Variants in DVL2 observed in about 807,000 individuals in gnomAD.
DVL2 encodes dishevelled segment polarity protein 2.
A neutral mutation model predicts 69.8 loss-of-function variants in DVL2; 38 were observed. The ratio of observed to expected loss-of-function variants is 0.54; its 90% CI spans 0.42 to 0.71. The LOEUF (loss-of-function observed/expected upper bound fraction) is 0.71. DVL2 is among the 30% of genes least tolerant of loss of function. The pLI, the probability that DVL2 is intolerant of heterozygous loss-of-function variation, is 0.00. For synonymous variants in DVL2, 428 were observed against 392.4 expected, an observed-to-expected ratio of 1.09 and a Z score of -1.07; for missense variants, 931 against 1,008.1, an observed-to-expected ratio of 0.92 and a Z score of 1.04.
At chr17:7,227,610 C>G (rs2071477634) in intron 11 of DVL2, 45 bp downstream of exon 11, 1 of 1,613,970 alleles carries the variant, frequency 6.2e-7, no homozygotes, top group African/African-American at 1.3e-5. Context: ...CACTGCGGGA[C>G]AGCCTTCTGC....
chr17:7,234,407 A>G lies in DVL2; in HGVS notation c.-145T>C. 1 of 955,216 alleles carries G rather than the reference A, an allele frequency of 1.0e-6. No homozygotes were observed. The highest frequency in any genetic ancestry group is 1.5e-6 in the Non-Finnish European group (1 of 671,472). The allele number at this position is 955,216 out of a possible 1,614,324, so 59.2% of individuals were successfully genotyped here. On this transcript the variant is annotated 5_prime_UTR_variant, in exon 1 of 15. Transcript: ENST00000005340. ...GAGAAGCAAAGGGGAAAAAGCACGG[A>G]TCTGCGAGGGTGGCGGCGGGGGGCG...
chr17:7,226,091 G>C lies in DVL2; in HGVS notation c.1985C>G (p.Pro662Arg). Residue 662 changes from proline to arginine, a missense_variant, in exon 15 of 15, where the codon CCA becomes CGA. Physicochemically the swap from Pro to Arg is moderately radical, Grantham distance 103. Transcript: ENST00000005340. ...GGGCGGTCCATAGGGATGGAGCCCT[G>C]GGTGGGCTCGGAGATTAGGGGCACC... is the stretch of plus-strand genomic sequence containing the variant. ...TGGAPNLRAH[P>R]GLHPYGPPPG... The C allele has an allele frequency of 1.3e-6, 2 of 1,593,520 alleles. No individual in the cohort carries two copies. Among genetic ancestry groups the C allele is most frequent in the Non-Finnish European group, 1.7e-6 (2 of 1,168,428 alleles).
chr17:7,233,504 C>T (rs567486113), intron 1 of DVL2, among the ~76,000 whole-genome samples: 3 of 152,050 alleles, frequency 2.0e-5, no homozygotes, highest in Non-Finnish European at 4.4e-5. Context: ...AGTGCAGTGG[C>T]GCGATCTCGG....
intron 9 of DVL2, 93 bp from the exon 10 acceptor site, chr17:7,228,137 A>C (rs1301645449): frequency 9.4e-7 from 1 of 1,064,796 alleles, no homozygotes; most frequent in Non-Finnish European, 1.4e-6. Context: ...AGAGACACAA[A>C]GAGGGGGAGA....
At chr17:7,230,229 G>A (rs1363986301) in intron 3 of DVL2, 56 bp downstream of exon 3, 1 of 1,611,692 alleles carries the variant, frequency 6.2e-7, no homozygotes, top group Non-Finnish European at 8.5e-7. Flanking sequence ...CCCTACCAAA[G>A]GCCTGGGTTC....
intron 2 of DVL2, 103 bp downstream of exon 2, chr17:7,230,625 G>A (rs1385004813): frequency 7.3e-7 from 1 of 1,367,154 alleles, no homozygotes; most frequent in Non-Finnish European, 1.0e-6. Flanking sequence ...TAAAGAGCCA[G>A]GGCTGCTAAC....
intron 9 of DVL2, 92 bp downstream of exon 9, chr17:7,228,877 C>T (rs1445408126): frequency 1.6e-5 from 22 of 1,353,480 alleles, no homozygotes; most frequent in South Asian, 4.8e-5. Flanking sequence ...CCACCACGCC[C>T]GGCTGTCTTA....
chr17:7,228,094 A>G, intron 9 of DVL2, 50 bp from the exon 10 acceptor site: 1 of 1,455,956 alleles, frequency 6.9e-7, no homozygotes, highest in Non-Finnish European at 9.3e-7. Flanking sequence ...AGGAGGCCTC[A>G]GGAGGGCGGG....
chr17:7,228,924 A>C (rs779585159), intron 9 of DVL2, 45 bp downstream of exon 9: 6 of 1,552,512 alleles, frequency 3.9e-6, no homozygotes, highest in Non-Finnish European at 5.3e-6. Context: ...CATGAAAGAG[A>C]AAAAAAAAGA....
At chr17:7,227,821 T>C in intron 10 of DVL2, 38 bp from the exon 11 acceptor site, 4 of 1,556,894 alleles carry the variant, frequency 2.6e-6, no homozygotes, top group Non-Finnish European at 3.5e-6. Context: ...CCATTCTCAG[T>C]CCCCAAAAGC....
At position 7,227,071 on chromosome 17, in the gene DVL2, T is replaced by G; in HGVS notation, c.1543+19A>C. The G allele has an allele frequency of 6.3e-7, 1 of 1,591,722 alleles. No individual in the cohort carries two copies. The highest frequency in any genetic ancestry group is 1.1e-5 in the South Asian group (1 of 88,124). On this transcript the variant is annotated intron_variant, in intron 13 of 14. Coordinates refer to ENST00000005340, the MANE Select transcript of DVL2 (RefSeq NM_004422.3). ...GGTAGGCAAAGCCACACTCCCAGAG[T>G]TGGGGCAGGGGGACTTACAGCTCTC...
chr17:7,225,398 G>C lies in DVL2; in HGVS notation c.*467C>G. The C allele has an allele frequency of 2.1e-6, 1 of 485,732 alleles. No individual in the cohort carries two copies. Among genetic ancestry groups the C allele is most frequent in the East Asian group, 3.9e-5 (1 of 25,328 alleles). The allele number at this position is 485,732 out of a possible 1,614,324, so 30.1% of individuals were successfully genotyped here. A position where few individuals can be genotyped will look rare whatever the true frequency, so the allele number is the denominator to read the frequency against. On this transcript the variant is annotated 3_prime_UTR_variant, in exon 15 of 15. Transcript: ENST00000005340. ...TATACAAGTGACTAAAATAAATAGAGTAACAAAGGCAGCTACATGGCCCAA... is the reference window on the plus strand; with the variant it reads ...TATACAAGTGACTAAAATAAATAGACTAACAAAGGCAGCTACATGGCCCAA...
chr17:7,233,006 C>T (rs1274518287), intron 1 of DVL2, among the ~76,000 whole-genome samples: 3 of 146,280 alleles, frequency 2.1e-5, no homozygotes, highest in Admixed American at 7.0e-5. Context: ...AGGAGAATGG[C>T]GTGGACCCGG....
intron 1 of DVL2, among the ~76,000 whole-genome samples, chr17:7,232,227 C>A (rs2071553776): frequency 6.6e-6 from 1 of 152,216 alleles, no homozygotes; most frequent in Admixed American, 6.5e-5. Context: ...AGACTCTCTA[C>A]CCTAGTTGTT....
Position 7,230,257 on chromosome 17 carries a change from C to T in DVL2, c.410+28G>A, listed in dbSNP as rs1362772488. The T allele has an allele frequency of 2.5e-6, 4 of 1,613,838 alleles. No individual in the cohort carries two copies. In the South Asian group the frequency reaches 3.3e-5, roughly 13 times the overall value. On this transcript the variant is annotated intron_variant, in intron 3 of 14. Transcript: ENST00000005340. ...CTGGGTTCCCTCCTCACCTCCCTCCCCTGCAGTCAAGAATCTGAAGGACTC... is the reference window on the plus strand; with the variant it reads ...CTGGGTTCCCTCCTCACCTCCCTCCTCTGCAGTCAAGAATCTGAAGGACTC...
Position 7,234,418 on chromosome 17 carries a change from T to G in DVL2, c.-156A>C, listed in dbSNP as rs2071602952. On this transcript the variant is annotated 5_prime_UTR_variant, in exon 1 of 15. Coordinates refer to ENST00000005340, the MANE Select transcript of DVL2 (RefSeq NM_004422.3). ...GGGAAAAAGCACGGATCTGCGAGGG[T>G]GGCGGCGGGGGGCGGGCCGCGGGGT... 1 of 886,504 alleles carries G rather than the reference T, an allele frequency of 1.1e-6. No individual in the cohort carries two copies. Among genetic ancestry groups the G allele is most frequent in the Non-Finnish European group, 1.6e-6 (1 of 616,806 alleles). The allele number at this position is 886,504 out of a possible 1,614,324, so 54.9% of individuals were successfully genotyped here.
intron 10 of DVL2, 86 bp downstream of exon 10, chr17:7,227,891 C>T: frequency 6.4e-7 from 1 of 1,565,584 alleles, no homozygotes. Flanking sequence ...CCTCCTCCCA[C>T]CCATTCCCCA....
chr17:7,232,128 G>C (rs1042598784), intron 1 of DVL2, among the ~76,000 whole-genome samples: 2 of 152,200 alleles, frequency 1.3e-5, no homozygotes, highest in Middle Eastern at 3.4e-3. Context: ...ACTTACTCTG[G>C]TCAACACCAT....
rs940773303 is a variant in DVL2 at position 7,229,800 on chromosome 17, A to C, written c.656+8T>G. ...GGGTGCGCTGGGGAGAGCTGTGCGG[A>C]GCCACACCTGCTCATGGTGTCCTCC... On this transcript the variant is annotated splice_region_variant and intron_variant, in intron 5 of 14. Transcript: ENST00000005340. The surrounding 1 kb of genome is among the most constrained non-coding windows in gnomAD (Gnocchi z 4.4). 3 of 1,610,762 alleles carry C rather than the reference A, an allele frequency of 1.9e-6. No individual in the cohort carries two copies. The highest frequency in any genetic ancestry group is 2.7e-5 in the African/African-American group (2 of 74,880).
Sources: allele counts gnomAD v4.1 joint callset (sites outside exome capture counted in the v4.1 genomes callset), GRCh38; gene constraint gnomAD v4.1.1; non-coding constraint Gnocchi (gnomAD v3.1); transcripts MANE v1.5; gene names NCBI Gene and HGNC (gene_info 2026-07-23, HGNC 2026-07-21).